The following MARVELD3 variants were observed in gnomAD, a reference collection of about 807,000 sequenced individuals.
MARVELD3 encodes the protein MARVEL domain-containing protein 3.
In MARVELD3, 28 loss-of-function variants were observed where a neutral mutation model predicts 33.5. The ratio of observed to expected loss-of-function variants is 0.84; its 90% CI spans 0.62 to 1.15. The LOEUF is 1.15. MARVELD3 is among the 50% of genes most tolerant of loss of function. The pLI, the probability that MARVELD3 is intolerant of heterozygous loss-of-function variation, is 0.00. For missense variants in MARVELD3, 582 were observed against 547.6 expected (o/e 1.06, Z -0.63); for synonymous variants, 241 against 230.4 (o/e 1.05, Z -0.42).
chr16:71,631,424 TTTG>T (rs1275439968), intron 2 of MARVELD3, among the ~76,000 whole-genome samples: 1 of 152,210 alleles, frequency 6.6e-6, no homozygotes, highest in Non-Finnish European at 1.5e-5. Context: ...ATTTTCTTTT[TTTG>T]TTGTTGTTAT....
chr16:71,627,695 G>A (rs2044488551), intron 1 of MARVELD3, among the ~76,000 whole-genome samples: 1 of 140,436 alleles, frequency 7.1e-6, no homozygotes, highest in South Asian at 2.3e-4. Flanking sequence ...TGCCATCTCT[G>A]CCTTGCACAG....
At chr16:71,640,928 C>T, downstream of MARVELD3, 1 of 1,613,996 alleles carries the variant, frequency 6.2e-7, no homozygotes, top group Admixed American at 1.7e-5. Context: ...TGGTGCTGGC[C>T]CTGCGTAGCT....
intron 2 of MARVELD3, among the ~76,000 whole-genome samples, chr16:71,630,013 G>C (rs1456699106): frequency 7.9e-5 from 12 of 151,772 alleles, no homozygotes. Context: ...AGGCCCAGGA[G>C]GGAGGATCAC....
In MARVELD3 at chr16:71,635,263, A is replaced by G. The variant is rs983828006; in HGVS notation, c.*460A>G. 20 of 902,982 alleles carry G rather than the reference A, an allele frequency of 2.2e-5. No individual in the cohort carries two copies. The highest frequency in any genetic ancestry group is 2.5e-5 in the Non-Finnish European group (19 of 755,220). The allele number at this position is 902,982 out of a possible 1,614,324, so 55.9% of individuals were successfully genotyped here. A position where few individuals can be genotyped will look rare whatever the true frequency, so the allele number is the denominator to read the frequency against. On this transcript the variant is annotated 3_prime_UTR_variant, in exon 3 of 3. Coordinates refer to ENST00000268485, the MANE Select transcript of MARVELD3 (RefSeq NM_052858.6). ...AGAATCGCTTGAATCTGGGAGGCGG[A>G]GATTGCAGTGAGCCGAGATCCCGCC...
At position 71,634,971 on chromosome 16, in the gene MARVELD3, G is replaced by C; in HGVS notation, c.*168G>C. On this transcript the variant is annotated 3_prime_UTR_variant, in exon 3 of 3. Coordinates refer to ENST00000268485, the MANE Select transcript of MARVELD3 (RefSeq NM_052858.6). ...GTCGCATGGAGCGGTGTTCATGGAT[G>C]CAACAGACCCTGGCTTCTGGAGTCC... 4 of 1,406,180 alleles carry C rather than the reference G, an allele frequency of 2.8e-6. No individual in the cohort carries two copies. The highest frequency in any genetic ancestry group is 2.8e-6 in the Non-Finnish European group (3 of 1,081,788). 87.1% of individuals were successfully genotyped at this position (1,406,180 alleles called of 1,614,324 possible). A position where few individuals can be genotyped will look rare whatever the true frequency, so the allele number is the denominator to read the frequency against.
chr16:71,634,485 G>A lies in MARVELD3; in HGVS notation c.888G>A (p.Pro296=), dbSNP rs752310383. 16 of 1,614,150 alleles carry A rather than the reference G, an allele frequency of 9.9e-6. No individual in the cohort carries two copies. Among genetic ancestry groups the A allele is most frequent in the East Asian group, 2.2e-5 (1 of 44,888 alleles). ...TTGCCATGGGTGTCCTGCGGGTCCCGTGGCATTGTCCACTGTTGCTGGTGA... is the reference window on the plus strand; with the variant it reads ...TTGCCATGGGTGTCCTGCGGGTCCCATGGCATTGTCCACTGTTGCTGGTGA... ...LFVAMGVLRV[P]WHCPLLLVTE... is the part of the protein sequence containing the mutation. Residue 296 remains proline, a synonymous_variant, in exon 3 of 3, where the codon CCG becomes CCA. Coordinates refer to ENST00000268485, the MANE Select transcript of MARVELD3 (RefSeq NM_052858.6).
chr16:71,629,780 G>A (rs1174464196), intron 2 of MARVELD3: 2 of 427,606 alleles, frequency 4.7e-6, no homozygotes, highest in East Asian at 3.7e-5. Context: ...GAAGTGCAGA[G>A]GCCTGTAGGT....
chr16:71,639,062 T>A (rs2044599895), downstream of MARVELD3: 2 of 24,610 alleles, frequency 8.1e-5, no homozygotes, highest in Non-Finnish European at 3.3e-4. Flanking sequence ...GACTGGTTCT[T>A]TTTTTTTTTT....
downstream of MARVELD3, chr16:71,641,001 G>C (rs1327395612): frequency 6.2e-7 from 1 of 1,609,620 alleles, no homozygotes; most frequent in East Asian, 2.2e-5. Context: ...TGATGCACCG[G>C]AATATCTGTG....
At chr16:71,639,565 G>A (rs1019189082), downstream of MARVELD3, among the ~76,000 whole-genome samples, 2 of 150,192 alleles carry the variant, frequency 1.3e-5, no homozygotes, top group African/African-American at 4.9e-5. Context: ...TCCTGCCTCA[G>A]CCTCCAGAGT....
intron 1 of MARVELD3, chr16:71,629,095 C>T (rs2044502429): frequency 1.0e-5 from 4 of 382,634 alleles, no homozygotes; most frequent in African/African-American, 4.2e-5. Flanking sequence ...GAAGGCAGCT[C>T]GCAGCTACCT....
Position 71,634,476 on chromosome 16 carries a change from G to C in MARVELD3, c.879G>C (p.Leu293=), listed in dbSNP as rs2044563305. 6 of 1,614,216 alleles carry C rather than the reference G, an allele frequency of 3.7e-6. No homozygotes were observed. The highest frequency in any genetic ancestry group is 5.1e-6 in the Non-Finnish European group (6 of 1,180,044). Residue 293 remains leucine, a synonymous_variant, in exon 3 of 3, where the codon CTG becomes CTC. Transcript: ENST00000268485. ...LCCLFVAMGV[L]RVPWHCPLLL... ...GCCTCTTCGTTGCCATGGGTGTCCTGCGGGTCCCGTGGCATTGTCCACTGT... is the reference window on the plus strand; with the variant it reads ...GCCTCTTCGTTGCCATGGGTGTCCTCCGGGTCCCGTGGCATTGTCCACTGT...
intron 1 of MARVELD3, among the ~76,000 whole-genome samples, chr16:71,627,587 TACAGGTTTGTTTTCCC>T (rs1365126627): frequency 6.6e-6 from 1 of 151,800 alleles, no homozygotes; most frequent in Non-Finnish European, 1.5e-5. Context: ...CACTGAAGGG[TACAGGTTTGTTTTCCC>T]TTTTGCCAGT....
intron 2 of MARVELD3, among the ~76,000 whole-genome samples, chr16:71,631,108 CA>C (rs942602910): frequency 6.6e-6 from 1 of 152,104 alleles, no homozygotes; most frequent in Middle Eastern, 3.2e-3. Context: ...AGGATAATTC[CA>C]AAGATGCATA....
intron 2 of MARVELD3, among the ~76,000 whole-genome samples, chr16:71,630,980 G>C (rs1272242338): frequency 2.0e-5 from 3 of 152,200 alleles, no homozygotes; most frequent in Non-Finnish European, 4.4e-5. Context: ...GTCTGGGTGA[G>C]AGCTTATAGT....
At chr16:71,634,141 C>T (rs1597077215) in intron 2 of MARVELD3, 52 bp from the exon 3 acceptor site, 23 of 1,556,558 alleles carry the variant, frequency 1.5e-5, no homozygotes, top group Admixed American at 1.8e-5. Context: ...GTGGAAGAGT[C>T]TCCTGGTGCC....
chr16:71,631,558 T>G (rs2044533202), intron 2 of MARVELD3, among the ~76,000 whole-genome samples: 1 of 152,078 alleles, frequency 6.6e-6, no homozygotes, highest in Admixed American at 6.6e-5. Flanking sequence ...GAAGCAATTC[T>G]CCTGCCTCAG....
At chr16:71,631,020 G>C (rs1567604464) in intron 2 of MARVELD3, among the ~76,000 whole-genome samples, 1 of 152,142 alleles carries the variant, frequency 6.6e-6, no homozygotes, top group African/African-American at 2.4e-5. Flanking sequence ...ATAGTTCTTG[G>C]TTTACTATGA....
chr16:71,627,526 T>C (rs927408192), intron 1 of MARVELD3, among the ~76,000 whole-genome samples: 1 of 148,056 alleles, frequency 6.8e-6, no homozygotes, highest in Non-Finnish European at 1.5e-5. Flanking sequence ...AAAAGTCAGA[T>C]GGGAGACGCT....
Sources: gnomAD v4.1 joint callset for allele counts (sites outside exome capture counted in the v4.1 genomes callset) on GRCh38, gnomAD v4.1.1 for gene constraint, MANE v1.5 for transcripts, NCBI Gene and HGNC (gene_info 2026-07-23, HGNC 2026-07-21) for gene names.